Variants in GPC5 observed in about 807,000 individuals in gnomAD.
GPC5 encodes glypican 5, also known as glypican-5.
GPC5 carries 47 observed loss-of-function variants against 53.9 expected under a neutral mutation model. The observed-to-expected ratio is 0.87, with a 90% confidence interval of 0.69 to 1.11. The LOEUF is 1.11. Ranked by LOEUF, GPC5 falls within the 50% of genes most tolerant of loss-of-function variation. The pLI is 0.00. For synonymous variants in GPC5, 286 were observed against 263.3 expected (o/e 1.09, Z -0.84); for missense variants, 748 against 713.1 (o/e 1.05, Z -0.56).
At chr13:91,622,283 T>C (rs992471437) in intron 2 of GPC5, among the ~76,000 whole-genome samples, 3 of 152,116 alleles carry the variant, frequency 2.0e-5, no homozygotes, top group African/African-American at 7.2e-5. Flanking sequence ...CATCACACCA[T>C]ATCAGTGTGC....
At chr13:91,860,634 C>G (rs1254085410) in intron 5 of GPC5, among the ~76,000 whole-genome samples, 1 of 151,652 alleles carries the variant, frequency 6.6e-6, no homozygotes, top group Non-Finnish European at 1.5e-5. Flanking sequence ...CTCAGCCTCC[C>G]GAGTAGCTGG....
At chr13:91,571,920 A>G (rs1169960216) in intron 2 of GPC5, among the ~76,000 whole-genome samples, 2 of 107,838 alleles carry the variant, frequency 1.9e-5, no homozygotes, top group East Asian at 2.6e-4. Flanking sequence ...ATATACACAT[A>G]TTGTATATAT....
intron 7 of GPC5, among the ~76,000 whole-genome samples, chr13:92,636,110 C>A (rs1401813553): frequency 6.6e-6 from 1 of 152,166 alleles, no homozygotes; most frequent in African/African-American, 2.4e-5. Flanking sequence ...TATTAATTAA[C>A]CTTTCTACTG....
At chr13:91,532,737 G>A (rs532630869) in intron 2 of GPC5, among the ~76,000 whole-genome samples, 7 of 151,980 alleles carry the variant, frequency 4.6e-5, no homozygotes, top group South Asian at 4.2e-4. Flanking sequence ...ATGGTGGTGC[G>A]CACCTGTGGT....
At chr13:92,460,948 A>G (rs2139409750) in intron 7 of GPC5, among the ~76,000 whole-genome samples, 1 of 152,288 alleles carries the variant, frequency 6.6e-6, no homozygotes, top group East Asian at 1.9e-4. Context: ...TTAGAATAAG[A>G]GAAAATAGCT....
At chr13:92,422,377 G>A (rs1876604273) in intron 7 of GPC5, among the ~76,000 whole-genome samples, 1 of 151,960 alleles carries the variant, frequency 6.6e-6, no homozygotes, top group East Asian at 1.9e-4. Context: ...GTGAACCTGA[G>A]GGTTCTGTGG....
chr13:92,724,581 T>C (rs1888586810), intron 7 of GPC5, among the ~76,000 whole-genome samples: 2 of 151,714 alleles, frequency 1.3e-5, no homozygotes, highest in East Asian at 1.9e-4. Context: ...TGAACCTAGA[T>C]AGAGGACACA....
intron 7 of GPC5, among the ~76,000 whole-genome samples, chr13:92,817,381 T>C (rs1475518533): frequency 6.6e-6 from 1 of 151,988 alleles, no homozygotes; most frequent in Admixed American, 6.6e-5. Context: ...TTTGGGTACA[T>C]ACTTTTTTGA....
At chr13:92,299,570 GTAGA>G (rs1223983164) in intron 7 of GPC5, among the ~76,000 whole-genome samples, 2 of 152,118 alleles carry the variant, frequency 1.3e-5, no homozygotes, top group Non-Finnish European at 2.9e-5. Flanking sequence ...AAAAAATTAT[GTAGA>G]TAGTGTAAAA....
At chr13:91,797,459 C>A (rs9523417) in intron 5 of GPC5, among the ~76,000 whole-genome samples, 1 of 151,956 alleles carries the variant, frequency 6.6e-6, no homozygotes, top group African/African-American at 2.4e-5. Context: ...ATTAAAATTC[C>A]GAATTTTTGT....
intron 6 of GPC5, among the ~76,000 whole-genome samples, chr13:91,986,517 T>C (rs1008635168): frequency 1.3e-5 from 2 of 152,234 alleles, no homozygotes; most frequent in Non-Finnish European, 2.9e-5. Flanking sequence ...CATTTTCATA[T>C]AGTTCAACCA....
chr13:91,513,673 A>G (rs1344523831), intron 2 of GPC5, among the ~76,000 whole-genome samples: 1 of 152,090 alleles, frequency 6.6e-6, no homozygotes, highest in Non-Finnish European at 1.5e-5. Context: ...CCCCGGAGGT[A>G]GAGGTTGCAG....
intron 7 of GPC5, among the ~76,000 whole-genome samples, chr13:92,386,423 A>T (rs567024048): frequency 2.0e-5 from 3 of 152,182 alleles, no homozygotes; most frequent in African/African-American, 7.2e-5. Flanking sequence ...GAATCAAACC[A>T]TGAGGTCTAA....
rs55758033 is a variant in GPC5 at position 91,671,780 on chromosome 13, CAAAAAA to C, written c.326-21387_326-21382del. Among the ~76,000 whole-genome samples the C allele has an allele frequency of 2.1e-4, 7 of 33,126 alleles. No homozygotes were observed. The East Asian group carries it at 4.4e-3, about 21-fold the overall frequency. 21.7% of individuals were successfully genotyped at this position (33,126 alleles called of 152,430 possible). On this transcript the variant is annotated intron_variant, in intron 2 of 7. Transcript: ENST00000377067. ...CCTGTATAGCCAAGACAATCTGAAG[CAAAAAA>C]AAAAAAAAAAAAAAAAAAACGAAAC... is the stretch of plus-strand genomic sequence containing the variant.
At chr13:91,997,489 T>C (rs1392525036) in intron 6 of GPC5, among the ~76,000 whole-genome samples, 1 of 152,058 alleles carries the variant, frequency 6.6e-6, no homozygotes. Flanking sequence ...TCTTCCATGA[T>C]GATTTGCCAT....
chr13:91,449,038 G>T (rs1472449811), intron 2 of GPC5, 116 bp downstream of exon 2: 2 of 1,163,540 alleles, frequency 1.7e-6, no homozygotes, highest in Admixed American at 4.9e-5. Flanking sequence ...TAATATTCGG[G>T]TATAAAATGA....
chr13:92,552,280 G>A (rs992724998), intron 7 of GPC5, among the ~76,000 whole-genome samples: 6 of 151,840 alleles, frequency 4.0e-5, no homozygotes, highest in South Asian at 2.1e-4. Context: ...TACAGTCCTC[G>A]CCCTTAAGAG....
rs115940464 is a variant in GPC5 at position 92,421,183 on chromosome 13, C to T, written c.1561+276194C>T. Among the ~76,000 whole-genome samples the T allele has an allele frequency of 7.6e-3, 1,163 of 152,258 alleles. 16 individuals carry two copies. The highest frequency in any genetic ancestry group is 0.026 in the African/African-American group (1,077 of 41,554). ...CCTCTTCTAGTTTAGAGCGCAATCC[C>T]TTTTCTAAATGTAAGAGACAGTACT... On this transcript the variant is annotated intron_variant, in intron 7 of 7. Coordinates refer to ENST00000377067, the MANE Select transcript of GPC5 (RefSeq NM_004466.6).
intron 7 of GPC5, among the ~76,000 whole-genome samples, chr13:92,525,019 A>C (rs943019008): frequency 1.3e-5 from 2 of 152,082 alleles, no homozygotes; most frequent in Admixed American, 1.3e-4. Context: ...TCAACTAAGA[A>C]AAACAAGTTC....
Sources: gnomAD v4.1 joint callset for allele counts (sites outside exome capture counted in the v4.1 genomes callset) on GRCh38, gnomAD v4.1.1 for gene constraint, MANE v1.5 for transcripts, NCBI Gene and HGNC (gene_info 2026-07-23, HGNC 2026-07-21) for gene names.